The following ITPR3 variants were observed in gnomAD, a reference collection of about 807,000 sequenced individuals.
ITPR3 encodes the protein inositol 1,4,5-trisphosphate-gated calcium channel ITPR3.
ITPR3 carries 173 observed loss-of-function variants against 293.2 expected under a neutral mutation model. The observed-to-expected ratio is 0.59, with a 90% CI of 0.52 to 0.67. The LOEUF is 0.67. ITPR3 is among the 30% of genes least tolerant of loss of function. ITPR3 has a pLI of 0.00. For synonymous variants in ITPR3, 1,295 were observed against 1,444.4 expected (o/e 0.90, Z 2.35); for missense variants, 2,796 against 3,592.1 (o/e 0.78, Z 5.66).
At chr6:33,639,209 T>C (rs891742436) in intron 1 of ITPR3, among the ~76,000 whole-genome samples, 3 of 152,000 alleles carry the variant, frequency 2.0e-5, no homozygotes, top group African/African-American at 7.3e-5. Context: ...TGAAACCCAG[T>C]CTTTACTAAA....
intron 2 of ITPR3, among the ~76,000 whole-genome samples, chr6:33,647,953 G>T (rs1764105381): frequency 6.6e-6 from 1 of 151,988 alleles, no homozygotes; most frequent in Non-Finnish European, 1.5e-5. Flanking sequence ...GTATCATTTT[G>T]CACCCTCACC....
At chr6:33,650,805 T>C (rs1416835228) in intron 2 of ITPR3, among the ~76,000 whole-genome samples, 2 of 152,208 alleles carry the variant, frequency 1.3e-5, no homozygotes, top group East Asian at 3.9e-4. Context: ...GCTTTTTTTT[T>C]TTTTAATTGA....
At chr6:33,674,386 C>T in intron 24 of ITPR3, 121 bp downstream of exon 24, 3 of 907,434 alleles carry the variant, frequency 3.3e-6, no homozygotes, top group Non-Finnish European at 5.1e-6. Context: ...CCTCTGCAGA[C>T]CCTCACCGGG....
In ITPR3 at chr6:33,632,944, G is replaced by A. The variant is rs1763717822; in HGVS notation, c.90-7540G>A. ...TGTCGAGTAGATGGAGGCCTGGGTT[G>A]TGTCTGTGCCATTCTCTGACCAGCT... On this transcript the variant is annotated intron_variant, in intron 1 of 57. Coordinates refer to ENST00000605930, the MANE Select transcript of ITPR3 (RefSeq NM_002224.4). The surrounding 1 kb of genome is among the most constrained non-coding windows in gnomAD (Gnocchi z 4.1). Among the ~76,000 whole-genome samples, 1 of 152,252 alleles carries A rather than the reference G, an allele frequency of 6.6e-6. No individual in the cohort carries two copies.
Position 33,670,768 on chromosome 6 carries a change from G to A in ITPR3, c.2539G>A (p.Glu847Lys), listed in dbSNP as rs1764737492. The change falls in exon 20 of 58, where the codon GAG becomes AAG. Residue 847 changes from glutamate (E) to lysine (K), a missense_variant. By Grantham distance (56) the Glu-to-Lys change is moderately conservative. Transcript: ENST00000605930. This position sits in a 1 kb window ranked among gnomAD's most constrained non-coding sequence, Gnocchi z 6.7. The part of the protein sequence containing the change: ...VEDYLNNVVS[E>K]AVPFANEEKN... The stretch of plus-strand genomic sequence containing the variant: ...GGACTACCTCAACAATGTAGTCAGC[G>A]AGGCCGTGCCCTTTGCCAACGAGGA... 5.0e-6 allele frequency: 8 copies of A among 1,614,124 alleles called. No individual in the cohort carries two copies. The highest frequency in any genetic ancestry group is 2.2e-5 in the East Asian group (1 of 44,880).
chr6:33,649,227 A>G (rs1244682892), intron 2 of ITPR3, among the ~76,000 whole-genome samples: 1 of 150,546 alleles, frequency 6.6e-6, no homozygotes, highest in Non-Finnish European at 1.5e-5. Flanking sequence ...TTTTATTTTT[A>G]TTTTGTTTTT....
At position 33,692,506 on chromosome 6, in the gene ITPR3, G is replaced by A. The variant is rs566552002; in HGVS notation, c.7459-222G>A. On this transcript the variant is annotated intron_variant, in intron 54 of 57. Coordinates refer to ENST00000605930, the MANE Select transcript of ITPR3 (RefSeq NM_002224.4). The surrounding 1 kb of genome is among the most constrained non-coding windows in gnomAD (Gnocchi z 4.2). ...CCACCCCGGCGTGTCCTGAGTCCACGCTTTCCTAACCCAAACTCAGGGCTT... is the reference window on the plus strand; with the variant it reads ...CCACCCCGGCGTGTCCTGAGTCCACACTTTCCTAACCCAAACTCAGGGCTT... Among the ~76,000 whole-genome samples the A allele has an allele frequency of 1.3e-4, 20 of 152,026 alleles. No individual in the cohort carries two copies. Among genetic ancestry groups the A allele is most frequent in the African/African-American group, 3.6e-4 (15 of 41,446 alleles).
In ITPR3 at chr6:33,669,112, G is replaced by A. The variant is rs1036161322; in HGVS notation, c.2145G>A (p.Ala715=). The part of the protein sequence containing the change: ...EKSVRQLAQE[A]RAGNAHDENV... ...GTGTGAGGCAGCTGGCCCAGGAGGC[G>A]CGGGCCGGCAACGCCCACGACGAGA... Residue 715 remains alanine, a synonymous_variant, in exon 18 of 58, where the codon GCG becomes GCA. Transcript: ENST00000605930. The A allele has an allele frequency of 9.3e-6, 15 of 1,613,984 alleles. No individual in the cohort carries two copies. The highest frequency in any genetic ancestry group is 2.7e-5 in the African/African-American group (2 of 74,926).
At chr6:33,645,814 G>C (rs1764052485) in intron 2 of ITPR3, among the ~76,000 whole-genome samples, 1 of 151,974 alleles carries the variant, frequency 6.6e-6, no homozygotes, top group African/African-American at 2.4e-5. Context: ...TAAGTTTTTT[G>C]GTCACTGAAA....
At position 33,664,720 on chromosome 6, in the gene ITPR3, C is replaced by T; in HGVS notation, c.1149-150C>T. Reference sequence around the variant, plus strand: ...TCTTATCTGGCTTCAGCCTCCTCATCTGGAGGGGCACCAGTGGCTCCTGTC... The same window carrying T: ...TCTTATCTGGCTTCAGCCTCCTCATTTGGAGGGGCACCAGTGGCTCCTGTC... On this transcript the variant is annotated intron_variant, in intron 11 of 57. Transcript: ENST00000605930. The surrounding 1 kb of genome is among the most constrained non-coding windows in gnomAD (Gnocchi z 4.4). 1 of 683,374 alleles carries T rather than the reference C, an allele frequency of 1.5e-6. No homozygotes were observed. 42.3% of individuals were successfully genotyped at this position (683,374 alleles called of 1,614,324 possible). A position where few individuals can be genotyped will look rare whatever the true frequency, so the allele number is the denominator to read the frequency against.
chr6:33,695,187 T>A, intron 57 of ITPR3, 102 bp downstream of exon 57: 1 of 1,309,406 alleles, frequency 7.6e-7, no homozygotes, highest in Non-Finnish European at 1.1e-6. Flanking sequence ...CACTGGCCTC[T>A]GGCCCTGGGC....
At chr6:33,677,193 C>A in intron 27 of ITPR3, 104 bp downstream of exon 27, 1 of 1,045,576 alleles carries the variant, frequency 9.6e-7, no homozygotes, top group Non-Finnish European at 1.5e-6. Context: ...GGCCACTGGC[C>A]CTCACAAGAG....
chr6:33,668,453 T>G lies in ITPR3; in HGVS notation c.1887-62T>G, dbSNP rs893077222. The G allele has an allele frequency of 3.8e-5, 61 of 1,607,416 alleles. No homozygotes were observed. In the African/African-American group the frequency reaches 7.6e-4, roughly 20 times the overall value. ...CAGCTGGGGAAGGGGAAGGGTGGGC[T>G]CTGTCCTTAGAGGGACCAGCCTCTG... On this transcript the variant is annotated intron_variant, in intron 16 of 57. Coordinates refer to ENST00000605930, the MANE Select transcript of ITPR3 (RefSeq NM_002224.4).
At chr6:33,650,981 A>C (rs1764172853) in intron 2 of ITPR3, among the ~76,000 whole-genome samples, 1 of 152,090 alleles carries the variant, frequency 6.6e-6, no homozygotes, top group Non-Finnish European at 1.5e-5. Flanking sequence ...GCATTTGAAA[A>C]GTCTGGTTTG....
rs12198325 is a variant in ITPR3 at position 33,664,674 on chromosome 6, C to T, written c.1149-196C>T. The stretch of plus-strand genomic sequence containing the variant: ...TGCAGTGGTCAGGACGGGGCCTGGG[C>T]GCAGGGCTAGCTCTGGCTGTTCTTA... On this transcript the variant is annotated intron_variant, in intron 11 of 57. Transcript: ENST00000605930. This position sits in a 1 kb window ranked among gnomAD's most constrained non-coding sequence, Gnocchi z 4.4. Among the ~76,000 whole-genome samples, 63,832 of 151,978 alleles carry T rather than the reference C, an allele frequency of 0.42. 14,661 individuals are homozygous for T. The highest frequency in any genetic ancestry group is 0.52 in the Non-Finnish European group (35,002 of 67,950).
At chr6:33,677,469 G>C in intron 27 of ITPR3, 35 bp from the exon 28 acceptor site, 1 of 1,610,622 alleles carries the variant, frequency 6.2e-7, no homozygotes, top group Non-Finnish European at 8.5e-7. Flanking sequence ...CTGAGAAGTA[G>C]GGAAGGGGCT....
Position 33,667,195 on chromosome 6 carries a change from G to T in ITPR3, c.1618G>T (p.Glu540Ter). ...GGEGPLVRLE[E>*]LSDQKNAPYQ... ...TGAAGGTCCCCTGGTGCGGCTGGAGGAGCTGTCAGACCAGAAGAACGCCCC... is the reference window on the plus strand; with the variant it reads ...TGAAGGTCCCCTGGTGCGGCTGGAGTAGCTGTCAGACCAGAAGAACGCCCC... Residue 540 changes from glutamate (E) to a stop codon, truncating the protein, a stop_gained, in exon 15 of 58, where the codon GAG (glutamate) becomes TAG (stop). Transcript: ENST00000605930. LOFTEE classifies it high-confidence loss of function. This position sits in a 1 kb window ranked among gnomAD's most constrained non-coding sequence, Gnocchi z 4.4. 6.2e-7 allele frequency: 1 copy of T among 1,614,140 alleles called. No homozygotes were observed. Among genetic ancestry groups the T allele is most frequent in the Non-Finnish European group, 8.5e-7 (1 of 1,180,002 alleles).
At chr6:33,623,243 A>T (rs901814397) in intron 1 of ITPR3, among the ~76,000 whole-genome samples, 4 of 149,904 alleles carry the variant, frequency 2.7e-5, no homozygotes, top group Non-Finnish European at 5.9e-5. Context: ...AGCACCAGGG[A>T]CTTTTGGGAA....
intron 1 of ITPR3, among the ~76,000 whole-genome samples, chr6:33,634,917 G>C (rs891716102): frequency 7.9e-5 from 12 of 152,028 alleles, no homozygotes; most frequent in African/African-American, 2.9e-4. Context: ...GGGACTCTGC[G>C]GCCTCTTCCT....
Sources: allele counts gnomAD v4.1 joint callset (sites outside exome capture counted in the v4.1 genomes callset), GRCh38; gene constraint gnomAD v4.1.1; non-coding constraint Gnocchi (gnomAD v3.1); transcripts MANE v1.5; gene names NCBI Gene and HGNC (gene_info 2026-07-23, HGNC 2026-07-21).